The following ANKFN1 variants were observed in gnomAD, a reference collection of about 807,000 sequenced individuals.
The protein encoded by ANKFN1 is ankyrin repeat and fibronectin type III domain containing 1, also known as ankyrin repeat and fibronectin type-III domain-containing protein 1.
ANKFN1 carries 74 observed loss-of-function variants against 108.7 expected under a neutral mutation model. The observed-to-expected ratio is 0.68, with a 90% confidence interval of 0.56 to 0.83. ANKFN1 has a LOEUF of 0.83. Ranked by LOEUF, ANKFN1 falls within the 40% of genes least tolerant of loss-of-function variation. The pLI, the probability that ANKFN1 is intolerant of heterozygous loss-of-function variation, is 0.00. For missense variants in ANKFN1, 1,505 were observed against 1,382.3 expected, an observed-to-expected ratio of 1.09 and a Z score of -1.41; for synonymous variants, 547 against 516.2, an observed-to-expected ratio of 1.06 and a Z score of -0.81.
At chr17:56,228,844 A>G (rs1438840957) in intron 3 of ANKFN1, among the ~76,000 whole-genome samples, 1 of 152,106 alleles carries the variant, frequency 6.6e-6, no homozygotes, top group African/African-American at 2.4e-5. Flanking sequence ...TTCATGTAGA[A>G]TTTCCAGCAG....
chr17:56,225,075 T>G (rs1402337502), intron 2 of ANKFN1: 1 of 152,142 alleles, frequency 6.6e-6, no homozygotes, highest in Non-Finnish European at 1.5e-5. Context: ...ATTTATGATC[T>G]CTTAAAGACC....
At chr17:56,092,426 C>G (rs983036384) in intron 4 of ANKFN1, among the ~76,000 whole-genome samples, 3 of 150,558 alleles carry the variant, frequency 2.0e-5, no homozygotes, top group Admixed American at 6.6e-5. Context: ...AGGCACCCCC[C>G]ACCACGCCCA....
chr17:56,107,726 T>G (rs1598096932), intron 4 of ANKFN1, among the ~76,000 whole-genome samples: 2 of 152,202 alleles, frequency 1.3e-5, no homozygotes, highest in Non-Finnish European at 2.9e-5. Flanking sequence ...GCCCCTCCCC[T>G]GTGTTCACCT....
chr17:56,439,450 A>C (rs1426898196), intron 8 of ANKFN1, among the ~76,000 whole-genome samples: 1 of 152,172 alleles, frequency 6.6e-6, no homozygotes, highest in Non-Finnish European at 1.5e-5. Flanking sequence ...GGCTTTGTCA[A>C]CTGATAGAAA....
intron 8 of ANKFN1, among the ~76,000 whole-genome samples, chr17:56,427,484 A>C (rs1257102000): frequency 6.6e-6 from 1 of 152,066 alleles, no homozygotes; most frequent in Non-Finnish European, 1.5e-5. Context: ...ATGAACATAC[A>C]GAACACCTTT....
intron 1 of ANKFN1, among the ~76,000 whole-genome samples, chr17:56,171,318 T>G (rs2143569546): frequency 6.6e-6 from 1 of 152,160 alleles, no homozygotes; most frequent in East Asian, 1.9e-4. Context: ...GAAGGAACAA[T>G]GTACAGACGG....
At chr17:56,278,502 G>T (rs973414606) in intron 3 of ANKFN1, among the ~76,000 whole-genome samples, 14 of 152,118 alleles carry the variant, frequency 9.2e-5, no homozygotes, top group Non-Finnish European at 5.9e-5. Context: ...AAATGTTGCT[G>T]GTCTCCTTTC....
At chr17:56,369,876 A>G (rs1463600197) in intron 6 of ANKFN1, among the ~76,000 whole-genome samples, 1 of 152,192 alleles carries the variant, frequency 6.6e-6, no homozygotes, top group Non-Finnish European at 1.5e-5. Context: ...AGTCTCAAGG[A>G]CACCTGTGTT....
intron 20 of ANKFN1, among the ~76,000 whole-genome samples, chr17:56,503,140 T>C (rs903213164): frequency 6.6e-6 from 1 of 152,102 alleles, no homozygotes; most frequent in Non-Finnish European, 1.5e-5. Context: ...CAGCAATTTT[T>C]TTTTTTTCCA....
chr17:56,293,750 A>C (rs984831970), intron 3 of ANKFN1, among the ~76,000 whole-genome samples: 4 of 152,242 alleles, frequency 2.6e-5, no homozygotes, highest in Admixed American at 2.0e-4. Context: ...TCCCTGGCAC[A>C]TACTAAGTCT....
In ANKFN1 at chr17:56,455,638, A is replaced by G. The variant is rs576840018; in HGVS notation, c.1208-1223A>G. Among the ~76,000 whole-genome samples the G allele has an allele frequency of 2.8e-4, 43 of 152,308 alleles. 1 individual carries two copies. The South Asian group carries it at 7.2e-3, about 26-fold the overall frequency. On this transcript the variant is annotated intron_variant, in intron 11 of 20. Transcript: ENST00000682825. The stretch of plus-strand genomic sequence containing the variant: ...TTTTCCCTTCATTGCATAGAATATG[A>G]GAGTTAAAATCAGTGATTATGTAGC...
intron 4 of ANKFN1, among the ~76,000 whole-genome samples, chr17:56,327,207 A>C (rs2045542172): frequency 6.6e-6 from 1 of 152,198 alleles, no homozygotes; most frequent in Admixed American, 6.5e-5. Flanking sequence ...GGCCAACCTC[A>C]GCAGATAGAG....
At chr17:56,458,104 GA>G in intron 14 of ANKFN1, 125 bp downstream of exon 14, 1 of 777,236 alleles carries the variant, frequency 1.3e-6, no homozygotes, top group South Asian at 1.8e-5. Flanking sequence ...CTAAGAATAT[GA>G]AGTTTTCTTG....
chr17:56,461,668 T>G (rs1426745709), intron 14 of ANKFN1, among the ~76,000 whole-genome samples: 1 of 152,138 alleles, frequency 6.6e-6, no homozygotes, highest in Non-Finnish European at 1.5e-5. Context: ...ATCCCAGAGT[T>G]TATTACTTGT....
At chr17:56,404,525 C>T (rs9914223) in intron 8 of ANKFN1, among the ~76,000 whole-genome samples, 3,221 of 152,206 alleles carry the variant, frequency 0.021, 117 homozygotes, top group African/African-American at 0.072. Context: ...GTTTTTTCTT[C>T]AAGCGATCTA....
Position 56,511,125 on chromosome 17 carries a change from G to T in ANKFN1, c.3297G>T (p.Val1099=), listed in dbSNP as rs953880036. The T allele has an allele frequency of 7.2e-6, 11 of 1,535,904 alleles. No individual in the cohort carries two copies. The highest frequency in any genetic ancestry group is 8.7e-6 in the Non-Finnish European group (10 of 1,146,860). The change falls in exon 21 of 21, where the codon GTG becomes GTT. Residue 1099 remains valine (V), a synonymous_variant. Coordinates refer to ENST00000682825, the MANE Select transcript of ANKFN1 (RefSeq NM_001370326.1). ...RLYVEPYAAA[V]VAQDEKPWAS... ...ACGTGGAGCCCTACGCAGCGGCCGT[G>T]GTGGCCCAGGACGAAAAACCATGGG...
At chr17:56,203,437 T>C (rs917561470) in intron 1 of ANKFN1, among the ~76,000 whole-genome samples, 1 of 152,200 alleles carries the variant, frequency 6.6e-6, no homozygotes, top group Non-Finnish European at 1.5e-5. Context: ...GTCTAGGCCC[T>C]CAATATTCAT....
chr17:56,047,061 A>G (rs1904691453), intron 4 of ANKFN1, among the ~76,000 whole-genome samples: 1 of 152,196 alleles, frequency 6.6e-6, no homozygotes, highest in Admixed American at 6.5e-5. Context: ...GGAGACAGGT[A>G]AGAATGATTT....
At chr17:56,116,277 A>T (rs996333656) in intron 4 of ANKFN1, among the ~76,000 whole-genome samples, 5 of 152,156 alleles carry the variant, frequency 3.3e-5, no homozygotes, top group African/African-American at 1.2e-4. Flanking sequence ...TGCCTTCCAG[A>T]TAATAGGGCC....
Sources: allele counts gnomAD v4.1 joint callset (sites outside exome capture counted in the v4.1 genomes callset), GRCh38; gene constraint gnomAD v4.1.1; transcripts MANE v1.5; gene names NCBI Gene and HGNC (gene_info 2026-07-23, HGNC 2026-07-21).